The following TUBGCP3 variants were observed in gnomAD, a reference collection of about 807,000 sequenced individuals.
The protein encoded by TUBGCP3 is tubulin gamma complex component 3, also known as gamma-tubulin complex component 3.
Under a neutral mutation model 123.1 loss-of-function variants are expected in TUBGCP3, and 50 were observed. That is an observed-to-expected ratio of 0.41 (90% CI 0.32 to 0.51). The LOEUF (loss-of-function observed/expected upper bound fraction) is 0.51, where lower values mean the gene tolerates loss of function less well. TUBGCP3 is among the 20% of genes least tolerant of loss of function. The pLI, the probability that TUBGCP3 is intolerant of heterozygous loss-of-function variation, is 0.36. For synonymous variants in TUBGCP3, 405 were observed against 413.9 expected (o/e 0.98, Z 0.26); for missense variants, 882 against 1,127.0 (o/e 0.78, Z 3.11).
intron 3 of TUBGCP3, among the ~76,000 whole-genome samples, chr13:112,563,897 A>G (rs1415787094): frequency 6.6e-6 from 1 of 151,930 alleles, no homozygotes; most frequent in Non-Finnish European, 1.5e-5. Flanking sequence ...AAGTGTCTAA[A>G]TATGTTTTCA....
At position 112,522,478 on chromosome 13, in the gene TUBGCP3, T is replaced by C. The variant is rs1402865554; in HGVS notation, c.1587A>G (p.Ala529=). The change falls in exon 14 of 22, where the codon GCA becomes GCG. Residue 529 remains alanine, a synonymous_variant. Transcript: ENST00000261965. ...AAGCAGCATCAATCTTCCCCTGAAA[T>C]GCATTTTCCAAGTCTGTGAATAGGT... ...AADLFTDLEN[A]FQGKIDAAYF... is the part of the protein sequence containing the mutation. 2 of 1,613,646 alleles carry C rather than the reference T, an allele frequency of 1.2e-6. No individual in the cohort carries two copies. The highest frequency in any genetic ancestry group is 1.3e-5 in the African/African-American group (1 of 74,924).
At chr13:112,574,941 G>GGGGA (rs1313391792) in intron 1 of TUBGCP3, among the ~76,000 whole-genome samples, 1 of 152,206 alleles carries the variant, frequency 6.6e-6, no homozygotes, top group African/African-American at 2.4e-5. Context: ...GGGCCCAGGT[G>GGGGA]GGGAGGGAGG....
chr13:112,546,866 T>C (rs1879044384), intron 10 of TUBGCP3: 1 of 152,154 alleles, frequency 6.6e-6, no homozygotes, highest in African/African-American at 2.4e-5. Context: ...AGATGACCAA[T>C]GGGGCCCTGC....
intron 17 of TUBGCP3, among the ~76,000 whole-genome samples, chr13:112,506,365 A>G (rs537590263): frequency 6.6e-6 from 1 of 152,342 alleles, no homozygotes; most frequent in Non-Finnish European, 1.5e-5. Flanking sequence ...CTGATGTATC[A>G]GAGGCATATC....
intron 11 of TUBGCP3, among the ~76,000 whole-genome samples, chr13:112,531,487 T>C (rs1366748418): frequency 1.3e-5 from 2 of 152,258 alleles, no homozygotes; most frequent in Non-Finnish European, 2.9e-5. Flanking sequence ...GACTGCTCTG[T>C]AGCTTGCCAT....
At chr13:112,572,128 C>A (rs1881446159) in intron 1 of TUBGCP3, among the ~76,000 whole-genome samples, 1 of 152,212 alleles carries the variant, frequency 6.6e-6, no homozygotes, top group Non-Finnish European at 1.5e-5. Flanking sequence ...ACTTGACTAA[C>A]TGGCATAAGA....
At chr13:112,510,055 T>C (rs1384476977) in intron 17 of TUBGCP3, among the ~76,000 whole-genome samples, 1 of 152,178 alleles carries the variant, frequency 6.6e-6, no homozygotes, top group Non-Finnish European at 1.5e-5. Flanking sequence ...TAAGGTCCAA[T>C]GAATACAGGA....
At chr13:112,487,197 G>T (rs372279080) in intron 21 of TUBGCP3, among the ~76,000 whole-genome samples, 4 of 152,158 alleles carry the variant, frequency 2.6e-5, no homozygotes, top group South Asian at 4.2e-4. Context: ...ATGATGTGAT[G>T]AAACTGAAAT....
rs774466420 is a variant in TUBGCP3, at chr13:112,569,147, C to T, written c.184+5G>A. 3 of 1,613,604 alleles carry T rather than the reference C, an allele frequency of 1.9e-6. No individual in the cohort carries two copies. The highest frequency in any genetic ancestry group is 2.5e-6 in the Non-Finnish European group (3 of 1,179,672). ...CAACACATGACATTTAAGAAAAATA[C>T]GTACGCTCTTTCTTGATTTTTTCAG... On this transcript the variant is annotated splice_donor_5th_base_variant and intron_variant, in intron 2 of 21. Transcript: ENST00000261965.
the TUBGCP3 span, among the ~76,000 whole-genome samples, chr13:112,599,825 T>C: frequency 6.6e-6 from 1 of 152,200 alleles, no homozygotes; most frequent in East Asian, 1.9e-4. Context: ...AGCCTACACC[T>C]TATGTTTTAT....
At position 112,569,133 on chromosome 13, in the gene TUBGCP3, A is replaced by G. The variant is rs1269208726; in HGVS notation, c.184+19T>C. 1 of 1,612,752 alleles carries G rather than the reference A, an allele frequency of 6.2e-7. No homozygotes were observed. Among genetic ancestry groups the G allele is most frequent in the Non-Finnish European group, 8.5e-7 (1 of 1,178,980 alleles). ...CGAGTTTAAGAATCCAACACATGAC[A>G]TTTAAGAAAAATACGTACGCTCTTT... On this transcript the variant is annotated intron_variant, in intron 2 of 21. Coordinates refer to ENST00000261965, the MANE Select transcript of TUBGCP3 (RefSeq NM_006322.6).
intron 20 of TUBGCP3, among the ~76,000 whole-genome samples, chr13:112,497,062 T>C (rs1430346830): frequency 6.6e-6 from 1 of 152,126 alleles, no homozygotes; most frequent in Non-Finnish European, 1.5e-5. Flanking sequence ...GGGAAGCTTC[T>C]TGGGGCACGT....
rs1477426875 is a variant in TUBGCP3 at position 112,556,512 on chromosome 13, T to C, written c.549-288A>G. 3.3e-5 allele frequency among the ~76,000 whole-genome samples: 5 copies of C among 152,176 alleles called. No homozygotes were observed. In the East Asian group the frequency reaches 9.6e-4, roughly 29 times the overall value. ...CAATATATATTTCTTACCATTAATATCAAAATCTATTTGGCTTTTCTTTAT... is the reference window on the plus strand; with the variant it reads ...CAATATATATTTCTTACCATTAATACCAAAATCTATTTGGCTTTTCTTTAT... On this transcript the variant is annotated intron_variant, in intron 5 of 21. Coordinates refer to ENST00000261965, the MANE Select transcript of TUBGCP3 (RefSeq NM_006322.6).
intron 2 of TUBGCP3, among the ~76,000 whole-genome samples, chr13:112,565,660 C>T (rs1880893847): frequency 6.6e-6 from 1 of 152,160 alleles, no homozygotes; most frequent in Non-Finnish European, 1.5e-5. Context: ...GCAGGCTGGG[C>T]GCGGTGGCTC....
Position 112,514,852 on chromosome 13 carries a change from C to T in TUBGCP3, c.2086+1588G>A, listed in dbSNP as rs117556514. Among the ~76,000 whole-genome samples the T allele has an allele frequency of 9.7e-3, 1,471 of 152,210 alleles. 14 individuals carry two copies. The highest frequency in any genetic ancestry group is 0.018 in the Admixed American group (282 of 15,290). On this transcript the variant is annotated intron_variant, in intron 17 of 21. Coordinates refer to ENST00000261965, the MANE Select transcript of TUBGCP3 (RefSeq NM_006322.6). ...GTTGTATTTATAAAAACATGCATGG[C>T]ATTATTTATATCGGCAAAAAATTGG...
the TUBGCP3 span, among the ~76,000 whole-genome samples, chr13:112,593,343 A>G: frequency 6.6e-6 from 1 of 152,184 alleles, no homozygotes; most frequent in Non-Finnish European, 1.5e-5. Context: ...ACTTGAACCC[A>G]GGAAGCAGAG....
intron 18 of TUBGCP3, 128 bp from the exon 19 acceptor site, chr13:112,504,291 C>T (rs1240375474): frequency 2.5e-6 from 3 of 1,198,490 alleles, no homozygotes; most frequent in Non-Finnish European, 3.5e-6. Context: ...AGTTAGAAAC[C>T]AGCCTGGCCA....
chr13:112,592,008 A>G (rs1193160094), upstream of TUBGCP3, among the ~76,000 whole-genome samples: 2 of 152,184 alleles, frequency 1.3e-5, no homozygotes, highest in Non-Finnish European at 2.9e-5. The surrounding 1 kb of genome is among the most constrained non-coding windows in gnomAD (Gnocchi z 4.1). Flanking sequence ...CATCTACACC[A>G]TTGTGTTACA....
intron 19 of TUBGCP3, among the ~76,000 whole-genome samples, chr13:112,502,735 CG>C (rs1881015863): frequency 6.6e-6 from 1 of 151,700 alleles, no homozygotes; most frequent in Admixed American, 6.6e-5. Context: ...TTAGTAGAGA[CG>C]GGGTTTCACA....
Sources: gnomAD v4.1 joint callset for allele counts (sites outside exome capture counted in the v4.1 genomes callset) on GRCh38, gnomAD v4.1.1 for gene constraint, Gnocchi (gnomAD v3.1) non-coding constraint, MANE v1.5 for transcripts, NCBI Gene and HGNC (gene_info 2026-07-23, HGNC 2026-07-21) for gene names.